SLC9A9: variants seen among roughly 807,000 people sequenced by gnomAD.
SLC9A9 encodes the protein solute carrier family 9 member A9.
In SLC9A9, 62 loss-of-function variants were observed where a neutral mutation model predicts 77.8. That is an observed-to-expected ratio of 0.80 (90% CI 0.65 to 0.98). The LOEUF is 0.98. Ranked by LOEUF, SLC9A9 falls within the 50% of genes least tolerant of loss-of-function variation. The pLI is 0.00. For synonymous variants in SLC9A9, 320 were observed against 283.5 expected, an observed-to-expected ratio of 1.13 and a Z score of -1.29; for missense variants, 775 against 774.9, an observed-to-expected ratio of 1.00 and a Z score of 0.00.
At chr3:143,311,847 T>C (rs1420748869) in intron 14 of SLC9A9, among the ~76,000 whole-genome samples, 1 of 152,206 alleles carries the variant, frequency 6.6e-6, no homozygotes, top group Non-Finnish European at 1.5e-5. Context: ...GAATGAAAAG[T>C]GAGGACTGTT....
chr3:143,801,217 G>A (rs942788057), intron 2 of SLC9A9, among the ~76,000 whole-genome samples: 1 of 152,112 alleles, frequency 6.6e-6, no homozygotes, highest in Non-Finnish European at 1.5e-5. Flanking sequence ...CTGTGCAGTT[G>A]GAATTCTTAC....
chr3:143,818,306 TTA>T (rs958651178), intron 2 of SLC9A9, among the ~76,000 whole-genome samples: 1 of 151,858 alleles, frequency 6.6e-6, no homozygotes, highest in Non-Finnish European at 1.5e-5. Context: ...CTCAGACTTG[TTA>T]TATATATATA....
chr3:143,506,119 G>C (rs2036012848), intron 9 of SLC9A9, among the ~76,000 whole-genome samples: 1 of 152,208 alleles, frequency 6.6e-6, no homozygotes, highest in African/African-American at 2.4e-5. Flanking sequence ...ATACTGCTCA[G>C]AGATATTGGT....
At chr3:143,370,494 C>T (rs1197133462) in intron 13 of SLC9A9, among the ~76,000 whole-genome samples, 3 of 150,984 alleles carry the variant, frequency 2.0e-5, no homozygotes, top group South Asian at 4.2e-4. Flanking sequence ...TTAACTAATG[C>T]CTGACACATA....
intron 4 of SLC9A9, among the ~76,000 whole-genome samples, chr3:143,711,497 T>C (rs1052655695): frequency 1.3e-4 from 19 of 151,914 alleles, no homozygotes; most frequent in African/African-American, 4.6e-4. Context: ...TCTCCTGGGC[T>C]CAAGGTCTCC....
intron 9 of SLC9A9, among the ~76,000 whole-genome samples, chr3:143,540,940 T>C (rs2036679837): frequency 6.6e-6 from 1 of 152,136 alleles, no homozygotes; most frequent in Non-Finnish European, 1.5e-5. Flanking sequence ...ATGGCTAAAA[T>C]TGAATGAAGA....
chr3:143,299,698 C>T (rs2030435822), intron 14 of SLC9A9, among the ~76,000 whole-genome samples: 1 of 152,178 alleles, frequency 6.6e-6, no homozygotes, highest in African/African-American at 2.4e-5. Context: ...CTGCCTTGGC[C>T]TCCCAAAGTG....
At chr3:143,633,265 C>A (rs1389300489) in intron 6 of SLC9A9, among the ~76,000 whole-genome samples, 2 of 152,090 alleles carry the variant, frequency 1.3e-5, no homozygotes. Context: ...TTTCTTAAAT[C>A]ATTTTTATTA....
At chr3:143,739,563 A>ACTAGT (rs1935029295) in intron 4 of SLC9A9, among the ~76,000 whole-genome samples, 1 of 152,254 alleles carries the variant, frequency 6.6e-6, no homozygotes, top group South Asian at 2.1e-4. Context: ...ATACATTCTT[A>ACTAGT]CTAGTCTTAC....
intron 12 of SLC9A9, among the ~76,000 whole-genome samples, chr3:143,411,326 T>C (rs2034093000): frequency 6.6e-6 from 1 of 152,200 alleles, no homozygotes; most frequent in South Asian, 2.1e-4. Context: ...CAAATATTTC[T>C]TTAGCTTGGG....
chr3:143,797,000 C>T, intron 2 of SLC9A9, 97 bp from the exon 3 acceptor site: 2 of 907,724 alleles, frequency 2.2e-6, no homozygotes, highest in African/African-American at 1.7e-5. Context: ...TTTGCTAAGC[C>T]TTTGTGAGGC....
At chr3:143,549,112 C>A (rs2036838126) in intron 9 of SLC9A9, among the ~76,000 whole-genome samples, 1 of 152,222 alleles carries the variant, frequency 6.6e-6, no homozygotes. Context: ...TCATATAATA[C>A]TTCCCAAACC....
chr3:143,693,286 C>T lies in SLC9A9; in HGVS notation c.555G>A (p.Val185=). The T allele has an allele frequency of 6.2e-7, 1 of 1,613,184 alleles. No homozygotes were observed. ...GCTGGCCAGCATGTATCATAGCCTTCACAAAACCATACATAATTAACCTGT... is the reference window on the plus strand; with the variant it reads ...GCTGGCCAGCATGTATCATAGCCTTTACAAAACCATACATAATTAACCTGT... ...IVIGLIMYGF[V]KAMIHAGQLK... The change falls in exon 5 of 16, where the codon GTG becomes GTA. Residue 185 remains valine, a synonymous_variant. Transcript: ENST00000316549.
At chr3:143,682,801 C>A (rs1030310005) in intron 5 of SLC9A9, among the ~76,000 whole-genome samples, 1 of 152,138 alleles carries the variant, frequency 6.6e-6, no homozygotes, top group African/African-American at 2.4e-5. Flanking sequence ...TTATATCTTT[C>A]TGCCCTTTTC....
At chr3:143,636,611 T>C in intron 6 of SLC9A9, among the ~76,000 whole-genome samples, 1 of 152,204 alleles carries the variant, frequency 6.6e-6, no homozygotes, top group African/African-American at 2.4e-5. Context: ...TTTTTCAGCC[T>C]CATTACCTTC....
chr3:143,354,685 G>C (rs905099640), intron 14 of SLC9A9, among the ~76,000 whole-genome samples: 10 of 152,122 alleles, frequency 6.6e-5, no homozygotes, highest in Non-Finnish European at 1.3e-4. Context: ...TTTTTTCATG[G>C]GAAACAAATA....
At chr3:143,769,638 A>G (rs1169435703) in intron 4 of SLC9A9, among the ~76,000 whole-genome samples, 1 of 152,224 alleles carries the variant, frequency 6.6e-6, no homozygotes, top group Non-Finnish European at 1.5e-5. Flanking sequence ...ATGTGAGCTA[A>G]AGAATAAAAA....
intron 2 of SLC9A9, among the ~76,000 whole-genome samples, chr3:143,798,797 C>T (rs909274580): frequency 6.6e-6 from 1 of 152,132 alleles, no homozygotes; most frequent in African/African-American, 2.4e-5. Context: ...GTCTCTGTTC[C>T]CATGCAACTT....
intron 10 of SLC9A9, 104 bp downstream of exon 10, chr3:143,495,231 G>C: frequency 1.0e-6 from 1 of 976,762 alleles, no homozygotes; most frequent in South Asian, 1.3e-5. Context: ...GAGCCTTGCA[G>C]TGGACTTTAG....
Sources: gnomAD v4.1 joint callset for allele counts (sites outside exome capture counted in the v4.1 genomes callset) on GRCh38, gnomAD v4.1.1 for gene constraint, MANE v1.5 for transcripts, NCBI Gene and HGNC (gene_info 2026-07-23, HGNC 2026-07-21) for gene names.